The following PLCB4 variants were observed in gnomAD, a reference collection of about 807,000 sequenced individuals.
The protein encoded by PLCB4 is 1-phosphatidylinositol 4,5-bisphosphate phosphodiesterase beta-4.
Under a neutral mutation model 178.8 loss-of-function variants are expected in PLCB4, and 77 were observed. That is an observed-to-expected ratio of 0.43 (90% confidence interval 0.36 to 0.52). The LOEUF (loss-of-function observed/expected upper bound fraction) is 0.52, where lower values mean the gene tolerates loss of function less well. Among genes scored for constraint, PLCB4 ranks in the 20% least tolerant of loss-of-function variants. PLCB4 has a pLI of 0.00. For missense variants in PLCB4, 1,024 were observed against 1,453.4 expected, an observed-to-expected ratio of 0.70 and a Z score of 4.80; for synonymous variants, 496 against 490.8, an observed-to-expected ratio of 1.01 and a Z score of -0.14.
rs1219646460 is a variant in PLCB4, at chr20:9,476,916, T to C, written c.3532+163T>C. Among the ~76,000 whole-genome samples the C allele has an allele frequency of 3.9e-5, 6 of 152,198 alleles. No homozygotes were observed. The South Asian group carries it at 6.2e-4, about 16-fold the overall frequency. ...CCATGCTTGGATTTCTGATGTCATA[T>C]TCATGCCAAAATGCCCTAAGTCTTT... On this transcript the variant is annotated intron_variant, in intron 39 of 39. Transcript: ENST00000378473.
intron 28 of PLCB4, among the ~76,000 whole-genome samples, chr20:9,431,192 A>G (rs1248829866): frequency 6.6e-6 from 1 of 152,042 alleles, no homozygotes; most frequent in East Asian, 1.9e-4. Flanking sequence ...AGTCCTTGGC[A>G]TTCCTTGGCT....
At chr20:9,464,481 T>A (rs2043627329) in intron 35 of PLCB4, among the ~76,000 whole-genome samples, 1 of 151,972 alleles carries the variant, frequency 6.6e-6, no homozygotes, top group Admixed American at 6.6e-5. Flanking sequence ...AAAAAATCAA[T>A]GAATCCGGGA....
chr20:9,462,047 C>G (rs563278663), intron 35 of PLCB4, among the ~76,000 whole-genome samples: 1 of 152,232 alleles, frequency 6.6e-6, no homozygotes, highest in South Asian at 2.1e-4. Context: ...CCCTCTGGGA[C>G]AAAGCTGCCA....
intron 2 of PLCB4, among the ~76,000 whole-genome samples, chr20:9,202,200 A>T (rs899641945): frequency 4.6e-5 from 7 of 152,158 alleles, no homozygotes; most frequent in Non-Finnish European, 7.3e-5. Flanking sequence ...AAGAATACAG[A>T]TCAGTGGTTG....
At chr20:9,405,769 C>T (rs535275376) in intron 21 of PLCB4, among the ~76,000 whole-genome samples, 1 of 152,172 alleles carries the variant, frequency 6.6e-6, no homozygotes, top group African/African-American at 2.4e-5. Context: ...GGTAAAGTTA[C>T]ATTTTCACTT....
intron 2 of PLCB4, among the ~76,000 whole-genome samples, chr20:9,155,535 G>A (rs936736272): frequency 6.6e-6 from 1 of 152,056 alleles, no homozygotes; most frequent in African/African-American, 2.4e-5. Flanking sequence ...AATTTGTATG[G>A]ATGCTTGATT....
intron 2 of PLCB4, among the ~76,000 whole-genome samples, chr20:9,109,136 C>T (rs763103635): frequency 7.9e-5 from 12 of 152,134 alleles, no homozygotes; most frequent in Admixed American, 3.3e-4. Flanking sequence ...CAATATAGCA[C>T]GATCTTCAGA....
intron 5 of PLCB4, among the ~76,000 whole-genome samples, chr20:9,337,409 A>G (rs2032611822): frequency 6.6e-6 from 1 of 152,226 alleles, no homozygotes; most frequent in Non-Finnish European, 1.5e-5. Context: ...GTCTAGGAGC[A>G]ATGTCAGGCA....
intron 4 of PLCB4, among the ~76,000 whole-genome samples, chr20:9,330,664 A>G (rs929465904): frequency 1.3e-5 from 2 of 152,234 alleles, no homozygotes; most frequent in African/African-American, 4.8e-5. Flanking sequence ...CACTAACCAC[A>G]TTGTGGCTGT....
At chr20:9,405,629 T>C (rs1379469857) in intron 21 of PLCB4, among the ~76,000 whole-genome samples, 1 of 152,240 alleles carries the variant, frequency 6.6e-6, no homozygotes, top group African/African-American at 2.4e-5. Context: ...ATCCATATTA[T>C]AGCATAATAG....
At chr20:9,293,497 A>T (rs541797295) in intron 3 of PLCB4, among the ~76,000 whole-genome samples, 1 of 151,246 alleles carries the variant, frequency 6.6e-6, no homozygotes, top group Admixed American at 6.6e-5. Context: ...GAGAGGAAGG[A>T]AGGAAGGAAG....
At chr20:9,390,385 GT>G (rs2038041038) in intron 16 of PLCB4, 145 bp from the exon 17 acceptor site, 1 of 487,458 alleles carries the variant, frequency 2.1e-6, no homozygotes, top group Non-Finnish European at 3.7e-6. Context: ...ACCAGTTAAA[GT>G]TTTTGATACA....
chr20:9,324,199 A>T (rs1008292453), intron 4 of PLCB4, among the ~76,000 whole-genome samples: 1 of 151,588 alleles, frequency 6.6e-6, no homozygotes, highest in African/African-American at 2.4e-5. Flanking sequence ...AAAGAAATTT[A>T]AAAAAGAAAG....
At chr20:9,197,600 T>C (rs1326805404) in intron 2 of PLCB4, among the ~76,000 whole-genome samples, 1 of 152,234 alleles carries the variant, frequency 6.6e-6, no homozygotes, top group Admixed American at 6.5e-5. Flanking sequence ...TTATTGAATA[T>C]TGCTGCCTAG....
rs190896891 is a variant in PLCB4 at position 9,288,316 on chromosome 20, C to T, written c.-15-19484C>T. On this transcript the variant is annotated intron_variant, in intron 3 of 39. Coordinates refer to ENST00000378473, the MANE Select transcript of PLCB4 (RefSeq NM_001377142.1). ...ACTGCGTTAAGGTTTCAACAAGTACCTCTTCACCATTAGCTTATTAAGGTT... is the reference window on the plus strand; with the variant it reads ...ACTGCGTTAAGGTTTCAACAAGTACTTCTTCACCATTAGCTTATTAAGGTT... 3.9e-5 allele frequency among the ~76,000 whole-genome samples: 6 copies of T among 151,992 alleles called. No homozygotes were observed. The East Asian group carries it at 1.2e-3, about 29-fold the overall frequency.
intron 3 of PLCB4, among the ~76,000 whole-genome samples, chr20:9,252,993 T>C (rs1254650570): frequency 1.3e-5 from 2 of 152,220 alleles, no homozygotes; most frequent in East Asian, 1.9e-4. Flanking sequence ...TCCGTGATCA[T>C]GTGAGCCAAT....
At chr20:9,404,277 A>G (rs1056507393) in intron 20 of PLCB4, among the ~76,000 whole-genome samples, 1 of 152,170 alleles carries the variant, frequency 6.6e-6, no homozygotes, top group Non-Finnish European at 1.5e-5. Context: ...AAGACAGTGG[A>G]TGAAGATGCA....
chr20:9,365,272 T>C (rs886963410), intron 8 of PLCB4, among the ~76,000 whole-genome samples, 189 bp from the exon 9 acceptor site: 1 of 152,210 alleles, frequency 6.6e-6, no homozygotes, highest in Non-Finnish European at 1.5e-5. Flanking sequence ...GAAATTCAAG[T>C]TTAACTGAGA....
chr20:9,319,813 A>T (rs2147950206), intron 4 of PLCB4, among the ~76,000 whole-genome samples: 1 of 152,292 alleles, frequency 6.6e-6, no homozygotes, highest in South Asian at 2.1e-4. Flanking sequence ...CCTCACAGAC[A>T]CACCCGGAAG....
Sources: allele counts gnomAD v4.1 joint callset (sites outside exome capture counted in the v4.1 genomes callset), GRCh38; gene constraint gnomAD v4.1.1; transcripts MANE v1.5; gene names NCBI Gene and HGNC (gene_info 2026-07-23, HGNC 2026-07-21).